MTIF2: variants seen among roughly 807,000 people sequenced by gnomAD.
The protein encoded by MTIF2 is mitochondrial translational initiation factor 2.
In MTIF2, 71 loss-of-function variants were observed where a neutral mutation model predicts 83.5. The ratio of observed to expected loss-of-function variants is 0.85; its 90% CI spans 0.70 to 1.04. The LOEUF (loss-of-function observed/expected upper bound fraction) is 1.04. Among genes scored for constraint, MTIF2 ranks in the 50% least tolerant of loss-of-function variants. The pLI is 0.00. For missense variants in MTIF2, 957 were observed against 846.5 expected (o/e 1.13, Z -1.62); for synonymous variants, 319 against 287.1 (o/e 1.11, Z -1.12).
At chr2:55,253,998 A>T in intron 7 of MTIF2, 43 bp downstream of exon 7, 1 of 1,598,214 alleles carries the variant, frequency 6.3e-7, no homozygotes, top group Non-Finnish European at 8.5e-7. Flanking sequence ...TAAGAAAATA[A>T]GTGGGGTTCC....
intron 7 of MTIF2, 38 bp downstream of exon 7, chr2:55,254,003 G>A: frequency 6.2e-7 from 1 of 1,602,482 alleles, no homozygotes; most frequent in Non-Finnish European, 8.5e-7. Flanking sequence ...AAATAAGTGG[G>A]GTTCCCAAGC....
chr2:55,263,592 AG>A, intron 4 of MTIF2, 47 bp downstream of exon 4: 1 of 1,438,704 alleles, frequency 7.0e-7, no homozygotes, highest in Non-Finnish European at 9.5e-7. Flanking sequence ...CCGGGGTGAC[AG>A]GGTGAGACTC....
intron 5 of MTIF2, among the ~76,000 whole-genome samples, chr2:55,259,645 G>C (rs1460453765): frequency 6.6e-6 from 1 of 152,070 alleles, no homozygotes; most frequent in African/African-American, 2.4e-5. Context: ...TCTGATAATT[G>C]CTAATAATAA....
intron 12 of MTIF2, 30 bp downstream of exon 12, chr2:55,243,386 A>G: frequency 6.5e-7 from 1 of 1,544,528 alleles, no homozygotes; most frequent in Non-Finnish European, 8.8e-7. Context: ...TCAAAGAATG[A>G]ACTGTAATGT....
intron 11 of MTIF2, 46 bp downstream of exon 11, chr2:55,243,983 A>G: frequency 7.0e-7 from 1 of 1,436,442 alleles, no homozygotes; most frequent in Non-Finnish European, 9.4e-7. Flanking sequence ...CTGGCATTTA[A>G]AATCATTATA....
At chr2:55,244,706 C>G (rs1423907780) in intron 10 of MTIF2, among the ~76,000 whole-genome samples, 1 of 151,550 alleles carries the variant, frequency 6.6e-6, no homozygotes, top group African/African-American at 2.4e-5. Context: ...CTTGAGCTCA[C>G]GAGTTTGAGA....
Position 55,263,708 on chromosome 2 carries a change from A to G in MTIF2, c.151T>C (p.Trp51Arg). ...YPVWTAQLCA[W>R]PWPTDVLTGA... is the part of the protein sequence containing the mutation. ...GTGAGCACATCTGTTGGCCAGGGCC[A>G]GGCACACAGTTGAGCTGTCCACACA... The change falls in exon 4 of 16, where the codon TGG becomes CGG. Residue 51 changes from tryptophan (W) to arginine (R), a missense_variant. Physicochemically the swap from Trp to Arg is moderately radical, Grantham distance 101. Around this residue, in one of 3 missense-constraint regions of MTIF2, gnomAD observed 733 missense variants for 648.7 expected, o/e 1.13. Transcript: ENST00000263629. The G allele has an allele frequency of 1.9e-6, 3 of 1,614,156 alleles. No homozygotes were observed. Among genetic ancestry groups the G allele is most frequent in the Non-Finnish European group, 2.5e-6 (3 of 1,180,028 alleles).
intron 13 of MTIF2, among the ~76,000 whole-genome samples, chr2:55,242,682 T>A (rs545794591): frequency 1.3e-5 from 2 of 151,884 alleles, no homozygotes; most frequent in East Asian, 1.9e-4. Flanking sequence ...ATGGTGCTTT[T>A]AAAAAAAAAA....
At chr2:55,255,619 G>A (rs779840405) in intron 5 of MTIF2, among the ~76,000 whole-genome samples, 6 of 151,098 alleles carry the variant, frequency 4.0e-5, no homozygotes, top group Non-Finnish European at 7.4e-5. Flanking sequence ...GCCTTCTTGG[G>A]CTTAGGAACA....
At chr2:55,262,256 A>G in intron 5 of MTIF2, 60 bp downstream of exon 5, 1 of 1,178,370 alleles carries the variant, frequency 8.5e-7, no homozygotes, top group South Asian at 1.3e-5. Flanking sequence ...TCTCGTTGCA[A>G]ATAAAATGCC....
At chr2:55,249,334 C>A in intron 9 of MTIF2, 61 bp downstream of exon 9, 1 of 1,571,802 alleles carries the variant, frequency 6.4e-7, no homozygotes, top group East Asian at 2.2e-5. Flanking sequence ...ATGTAATATA[C>A]TGTGTGCATT....
intron 5 of MTIF2, among the ~76,000 whole-genome samples, chr2:55,260,887 G>T (rs901264757): frequency 6.6e-6 from 1 of 151,918 alleles, no homozygotes; most frequent in Non-Finnish European, 1.5e-5. Flanking sequence ...TCCTAAATTG[G>T]TAATAAGCAC....
chr2:55,254,830 T>C lies in MTIF2; in HGVS notation c.332-5A>G, dbSNP rs374937894. Reference sequence around the variant, plus strand: ...ATAAAGCTTCATATACATAATCTGATTGGAATAAAATAAAACCTTTTAGGA... The same window carrying C: ...ATAAAGCTTCATATACATAATCTGACTGGAATAAAATAAAACCTTTTAGGA... On this transcript the variant is annotated splice_polypyrimidine_tract_variant and splice_region_variant and intron_variant, in intron 5 of 15. Transcript: ENST00000263629. The C allele has an allele frequency of 5.8e-6, 9 of 1,542,514 alleles. No homozygotes were observed. The Middle Eastern group carries it at 5.2e-4, about 89-fold the overall frequency.
chr2:55,249,829 T>C (rs1032380921), intron 8 of MTIF2, among the ~76,000 whole-genome samples: 1 of 152,126 alleles, frequency 6.6e-6, no homozygotes, highest in Non-Finnish European at 1.5e-5. Context: ...CGGTGGCTCA[T>C]GCCTGTAATC....
chr2:55,255,279 G>T (rs1488256791), intron 5 of MTIF2, among the ~76,000 whole-genome samples: 1 of 150,418 alleles, frequency 6.6e-6, no homozygotes, highest in Non-Finnish European at 1.5e-5. Flanking sequence ...CTGTTCTGAG[G>T]GGAAATATAG....
chr2:55,241,155 C>T (rs556936449), intron 13 of MTIF2, among the ~76,000 whole-genome samples: 91 of 150,794 alleles, frequency 6.0e-4, no homozygotes, highest in African/African-American at 2.0e-3. Flanking sequence ...CGGTGGCTCA[C>T]GCCTGTAATC....
At chr2:55,254,608 A>G (rs376907248) in intron 6 of MTIF2, 46 bp downstream of exon 6, 9 of 1,428,022 alleles carry the variant, frequency 6.3e-6, no homozygotes, top group Non-Finnish European at 8.4e-6. Context: ...AAATATAACT[A>G]TGTAGTCTCC....
Position 55,240,016 on chromosome 2 carries a change from G to C in MTIF2, c.1865C>G (p.Pro622Arg). 6.2e-7 allele frequency: 1 copy of C among 1,606,212 alleles called. No homozygotes were observed. The highest frequency in any genetic ancestry group is 8.5e-7 in the Non-Finnish European group (1 of 1,175,236). ...SRLPCAVEEH[P>R]VGEASILATF... ...AACATTCAGTGATCACTCACCTACTGGGTGCTCTTCCACAGCACAGGGTAA... is the reference window on the plus strand; with the variant it reads ...AACATTCAGTGATCACTCACCTACTCGGTGCTCTTCCACAGCACAGGGTAA... Residue 622 changes from proline (P) to arginine (R), a missense_variant, in exon 14 of 16, where the codon CCA (proline) becomes CGA (arginine). By Grantham distance (103) the Pro-to-Arg change is moderately radical. Coordinates refer to ENST00000263629, the MANE Select transcript of MTIF2 (RefSeq NM_002453.3).
At chr2:55,261,663 G>C (rs1314553370) in intron 5 of MTIF2, among the ~76,000 whole-genome samples, 1 of 151,856 alleles carries the variant, frequency 6.6e-6, no homozygotes, top group Non-Finnish European at 1.5e-5. Flanking sequence ...ATAGGGCCAG[G>C]CGTGGTGGCT....
Sources: gnomAD v4.1 joint callset for allele counts (sites outside exome capture counted in the v4.1 genomes callset) on GRCh38, gnomAD v4.1.1 for gene constraint, gnomAD v4.1.1 regional missense constraint, MANE v1.5 for transcripts, NCBI Gene and HGNC (gene_info 2026-07-23, HGNC 2026-07-21) for gene names.